ADGRG3: variants seen among roughly 807,000 people sequenced by gnomAD.
ADGRG3 encodes the protein adhesion G protein-coupled receptor G3.
Under a neutral mutation model 54.3 loss-of-function variants are expected in ADGRG3, and 39 were observed. The observed-to-expected ratio is 0.72, with a 90% CI of 0.56 to 0.94. ADGRG3 has a LOEUF of 0.94. Among genes scored for constraint, ADGRG3 ranks in the 40% least tolerant of loss-of-function variants. ADGRG3 has a pLI of 0.00. For synonymous variants in ADGRG3, 312 were observed against 290.0 expected (o/e 1.08, Z -0.77); for missense variants, 654 against 694.6 (o/e 0.94, Z 0.66).
intron 8 of ADGRG3, chr16:57,682,565 G>A (rs2048393932): frequency 4.1e-6 from 4 of 985,328 alleles, no homozygotes; most frequent in African/African-American, 1.7e-5. Flanking sequence ...CCCTGTGAGC[G>A]GGGCTTGGAG....
chr16:57,676,378 A>G lies in ADGRG3; in HGVS notation c.345+40A>G, dbSNP rs778117051. 4.4e-6 allele frequency: 7 copies of G among 1,589,478 alleles called. No individual in the cohort carries two copies. The South Asian group carries it at 7.8e-5, about 18-fold the overall frequency. ...AGCCCTCTTGGCTGGTTCGGACCCT[A>G]TTTTTCTTGGACGTATATTTCAAAA... is the stretch of plus-strand genomic sequence containing the variant. On this transcript the variant is annotated intron_variant, in intron 3 of 11. Coordinates refer to ENST00000333493, the MANE Select transcript of ADGRG3 (RefSeq NM_170776.5).
At chr16:57,679,065 T>G (rs1203751822) in intron 4 of ADGRG3, 112 bp from the exon 5 acceptor site, 40 of 1,291,322 alleles carry the variant, frequency 3.1e-5, no homozygotes, top group Non-Finnish European at 3.8e-5. Flanking sequence ...GGTCTCGAAC[T>G]CTGCCCTCCA....
intron 5 of ADGRG3, among the ~76,000 whole-genome samples, 194 bp from the exon 6 acceptor site, chr16:57,679,622 A>G (rs9925766): frequency 0.19 from 29,176 of 151,998 alleles, 3,375 homozygotes; most frequent in East Asian, 0.51. Flanking sequence ...CCACAGTCGC[A>G]CGCTTCACAC....
intron 8 of ADGRG3, chr16:57,682,484 G>A (rs2148710583): frequency 1.0e-6 from 1 of 985,334 alleles, no homozygotes; most frequent in African/African-American, 1.7e-5. Flanking sequence ...CACCCTCCAA[G>A]CCCTGGCCTA....
intron 6 of ADGRG3, 46 bp downstream of exon 6, chr16:57,679,901 T>A (rs1190489013): frequency 1.3e-6 from 2 of 1,490,454 alleles, no homozygotes; most frequent in Admixed American, 3.3e-5. Flanking sequence ...GAAGGGAGGG[T>A]ATGGGCTGCA....
In ADGRG3 at chr16:57,688,519, C is replaced by A; in HGVS notation, c.*58C>A. The A allele has an allele frequency of 1.1e-6, 1 of 950,856 alleles. No homozygotes were observed. Among genetic ancestry groups the A allele is most frequent in the Non-Finnish European group, 1.7e-6 (1 of 574,886 alleles). The allele number at this position is 950,856 out of a possible 1,614,324, so 58.9% of individuals were successfully genotyped here. A position where few individuals can be genotyped will look rare whatever the true frequency, so the allele number is the denominator to read the frequency against. On this transcript the variant is annotated 3_prime_UTR_variant, in exon 12 of 12. Coordinates refer to ENST00000333493, the MANE Select transcript of ADGRG3 (RefSeq NM_170776.5). ...TGGCTCTCTGTGTGACCTTGGGCAG[C>A]TCCGTGCCTCTCTCTGTACTCCCTC...
intron 3 of ADGRG3, 150 bp downstream of exon 3, chr16:57,676,488 G>T: frequency 1.4e-6 from 1 of 695,092 alleles, no homozygotes. Flanking sequence ...TGTAAAATGA[G>T]CTCTAAGATT....
At position 57,673,582 on chromosome 16, in the gene ADGRG3, C is replaced by T. The variant is rs1022223098; in HGVS notation, c.206+114C>T. The T allele has an allele frequency of 5.1e-6, 5 of 976,436 alleles. No homozygotes were observed. In the African/African-American group the frequency reaches 6.5e-5, roughly 13 times the overall value. The allele number at this position is 976,436 out of a possible 1,614,324, so 60.5% of individuals were successfully genotyped here. On this transcript the variant is annotated intron_variant, in intron 2 of 11. Transcript: ENST00000333493. ...CCCAGAAAATGTTGCTCCCATCTGA[C>T]TCTTCCACCTTGTTTGACACCACAG...
intron 11 of ADGRG3, among the ~76,000 whole-genome samples, chr16:57,687,533 T>C (rs2048497099): frequency 1.3e-5 from 2 of 152,230 alleles, no homozygotes; most frequent in Non-Finnish European, 1.5e-5. Context: ...ATTACAGGCG[T>C]GAGCCACTGT....
chr16:57,675,328 A>T (rs952565007), intron 2 of ADGRG3, among the ~76,000 whole-genome samples: 2 of 152,090 alleles, frequency 1.3e-5, no homozygotes, highest in Non-Finnish European at 2.9e-5. Context: ...AAAATAATTT[A>T]AAAAAAGAAA....
chr16:57,676,912 G>A (rs186663326), intron 3 of ADGRG3, among the ~76,000 whole-genome samples: 2 of 152,324 alleles, frequency 1.3e-5, no homozygotes, highest in Non-Finnish European at 2.9e-5. Flanking sequence ...GGAATGCTTG[G>A]GATAGTGAGG....
intron 1 of ADGRG3, among the ~76,000 whole-genome samples, chr16:57,672,583 A>C (rs1182427189): frequency 6.6e-6 from 1 of 152,162 alleles, no homozygotes; most frequent in African/African-American, 2.4e-5. Flanking sequence ...ATTGAGCCTC[A>C]GGTTGTTTAA....
chr16:57,666,618 G>A (rs2048063325), upstream of ADGRG3, among the ~76,000 whole-genome samples: 1 of 152,210 alleles, frequency 6.6e-6, no homozygotes, highest in African/African-American at 2.4e-5. Flanking sequence ...GGCAGGAAGG[G>A]ACACTACTGT....
upstream of ADGRG3, among the ~76,000 whole-genome samples, chr16:57,666,217 T>A (rs1223860928): frequency 6.6e-6 from 1 of 152,142 alleles, no homozygotes; most frequent in Non-Finnish European, 1.5e-5. Context: ...TCCCCCCATC[T>A]TCCAGAATGG....
chr16:57,682,373 C>T (rs1280717826), intron 8 of ADGRG3: 6 of 525,692 alleles, frequency 1.1e-5, no homozygotes, highest in South Asian at 8.3e-5. Context: ...GCCCTCTCCA[C>T]GTGCCTCTGT....
At chr16:57,685,541 G>C in intron 10 of ADGRG3, 102 bp from the exon 11 acceptor site, 1 of 1,142,544 alleles carries the variant, frequency 8.8e-7, no homozygotes, top group East Asian at 2.4e-5. Flanking sequence ...GTGGAAATGG[G>C]AGAGGCACCT....
intron 8 of ADGRG3, among the ~76,000 whole-genome samples, chr16:57,680,921 G>T (rs1447618593): frequency 6.6e-6 from 1 of 152,156 alleles, no homozygotes; most frequent in South Asian, 2.1e-4. Flanking sequence ...CTTCTGGCAG[G>T]GTTCGATCCA....
chr16:57,675,840 G>A (rs1406863318), intron 2 of ADGRG3, among the ~76,000 whole-genome samples: 1 of 152,116 alleles, frequency 6.6e-6, no homozygotes, highest in Non-Finnish European at 1.5e-5. Flanking sequence ...CATGGGTACG[G>A]GTTTCCTTTG....
chr16:57,671,950 G>A (rs1358563392), intron 1 of ADGRG3, among the ~76,000 whole-genome samples: 1 of 152,158 alleles, frequency 6.6e-6, no homozygotes, highest in Non-Finnish European at 1.5e-5. Context: ...CTTGAGCCCA[G>A]GGGTTTGAGA....
Sources: gnomAD v4.1 joint callset for allele counts (sites outside exome capture counted in the v4.1 genomes callset) on GRCh38, gnomAD v4.1.1 for gene constraint, MANE v1.5 for transcripts, NCBI Gene and HGNC (gene_info 2026-07-23, HGNC 2026-07-21) for gene names.